Variants in MNAT1 observed in about 807,000 individuals in gnomAD.
MNAT1 encodes the protein MNAT1 component of CDK activating kinase.
Under a neutral mutation model 42.0 loss-of-function variants are expected in MNAT1, and 43 were observed. The observed-to-expected ratio is 1.02, with a 90% CI of 0.80 to 1.32. The LOEUF (loss-of-function observed/expected upper bound fraction) is 1.32. MNAT1 is among the 40% of genes most tolerant of loss of function. The pLI, the probability that MNAT1 is intolerant of heterozygous loss-of-function variation, is 0.00. For synonymous variants in MNAT1, 118 were observed against 120.0 expected (o/e 0.98, Z 0.11); for missense variants, 306 against 350.4 (o/e 0.87, Z 1.01).
At chr14:60,897,468 C>T (rs2034980718) in intron 7 of MNAT1, among the ~76,000 whole-genome samples, 1 of 151,968 alleles carries the variant, frequency 6.6e-6, no homozygotes, top group Non-Finnish European at 1.5e-5. Context: ...ATGGGAATAT[C>T]TATTACTTTC....
At chr14:60,825,022 A>G (rs941497566) in intron 6 of MNAT1, among the ~76,000 whole-genome samples, 13 of 152,232 alleles carry the variant, frequency 8.5e-5, no homozygotes, top group African/African-American at 2.2e-4. Flanking sequence ...AGAGAGTGGG[A>G]AAAAAACAAG....
chr14:60,917,416 AAC>A (rs1176931661), intron 7 of MNAT1, among the ~76,000 whole-genome samples: 1 of 152,196 alleles, frequency 6.6e-6, no homozygotes, highest in East Asian at 1.9e-4. Context: ...TAGAAAATTT[AAC>A]AGATTTAAAT....
chr14:60,868,946 C>T (rs2034263034), intron 6 of MNAT1, among the ~76,000 whole-genome samples: 1 of 150,266 alleles, frequency 6.7e-6, no homozygotes, highest in African/African-American at 2.4e-5. Flanking sequence ...TTTATGGAAA[C>T]GTGATCATCT....
chr14:60,823,140 T>C (rs2032948109), intron 6 of MNAT1, among the ~76,000 whole-genome samples: 3 of 152,172 alleles, frequency 2.0e-5, no homozygotes, highest in Non-Finnish European at 4.4e-5. Flanking sequence ...TTTAAAGTAT[T>C]GGATGAAGAG....
intron 7 of MNAT1, among the ~76,000 whole-genome samples, chr14:60,928,821 T>C (rs1169210740): frequency 6.6e-6 from 1 of 151,972 alleles, no homozygotes; most frequent in Non-Finnish European, 1.5e-5. Flanking sequence ...TAATTCTTTA[T>C]ATATTCTGGA....
intron 3 of MNAT1, among the ~76,000 whole-genome samples, chr14:60,804,158 A>C (rs1594765776): frequency 6.6e-6 from 1 of 152,240 alleles, no homozygotes; most frequent in East Asian, 1.9e-4. Flanking sequence ...TAAATCTTTC[A>C]GAAAATACAA....
Position 60,784,179 on chromosome 14 carries a change from ATTTTTTTT to A in MNAT1, c.90-12021_90-12014del, listed in dbSNP as rs71114155. Among the ~76,000 whole-genome samples, 9 of 53,292 alleles carry A rather than the reference ATTTTTTTT, an allele frequency of 1.7e-4. No homozygotes were observed. In the East Asian group the frequency reaches 3.6e-3, roughly 21 times the overall value. 35.0% of individuals were successfully genotyped at this position (53,292 alleles called of 152,430 possible). A position where few individuals can be genotyped will look rare whatever the true frequency, so the allele number is the denominator to read the frequency against. On this transcript the variant is annotated intron_variant, in intron 1 of 7. Transcript: ENST00000261245. ...AGATACGTGCCACCATGCCTGGCTA[ATTTTTTTT>A]TTTTTTTTTTTTTTTTAGTAGAGGC... is the stretch of plus-strand genomic sequence containing the variant.
chr14:60,857,534 G>A (rs2033990760), intron 6 of MNAT1, among the ~76,000 whole-genome samples: 1 of 152,100 alleles, frequency 6.6e-6, no homozygotes, highest in South Asian at 2.1e-4. Flanking sequence ...ACAACAAAGG[G>A]TTTAGAATAT....
chr14:60,798,430 A>G (rs1418565180), intron 3 of MNAT1, among the ~76,000 whole-genome samples: 1 of 152,190 alleles, frequency 6.6e-6, no homozygotes, highest in African/African-American at 2.4e-5. Context: ...ATATGGGTAC[A>G]TGCATCTGTG....
intron 6 of MNAT1, among the ~76,000 whole-genome samples, chr14:60,828,769 C>T (rs1476210645): frequency 6.6e-6 from 1 of 152,148 alleles, no homozygotes; most frequent in Non-Finnish European, 1.5e-5. Context: ...TGAAGGTTCC[C>T]ACGATCCCTT....
At chr14:60,741,173 T>C (rs900057139) in intron 1 of MNAT1, among the ~76,000 whole-genome samples, 2 of 152,188 alleles carry the variant, frequency 1.3e-5, no homozygotes, top group Non-Finnish European at 2.9e-5. Flanking sequence ...GTCAGATTTC[T>C]TGTGCTTACT....
chr14:60,735,597 G>C lies in MNAT1; in HGVS notation c.89+646G>C, dbSNP rs756402584. Among the ~76,000 whole-genome samples the C allele has an allele frequency of 2.4e-4, 36 of 152,326 alleles. 2 individuals carry two copies. The Middle Eastern group carries it at 0.02, about 86-fold the overall frequency. The stretch of plus-strand genomic sequence containing the variant: ...ATTCCTACAACAGTCCCATGAAGTA[G>C]ATACTGGTATTTCCATTTCACAGGG... On this transcript the variant is annotated intron_variant, in intron 1 of 7. Transcript: ENST00000261245.
intron 7 of MNAT1, among the ~76,000 whole-genome samples, chr14:60,943,003 AGTGT>A (rs138575597): frequency 0.26 from 20,172 of 78,146 alleles, 3,148 homozygotes; most frequent in South Asian, 0.32. Context: ...AACCACATGT[AGTGT>A]GTGTGTGTGT....
intron 3 of MNAT1, among the ~76,000 whole-genome samples, chr14:60,807,017 T>C (rs1366766526): frequency 6.6e-6 from 1 of 152,214 alleles, no homozygotes; most frequent in Non-Finnish European, 1.5e-5. Context: ...CCACTTTATG[T>C]TAAAAAACTG....
At chr14:60,895,796 A>G (rs1052680758) in intron 7 of MNAT1, among the ~76,000 whole-genome samples, 2 of 152,108 alleles carry the variant, frequency 1.3e-5, no homozygotes, top group African/African-American at 4.8e-5. Context: ...AACAAAAGAA[A>G]TCATCTCGTT....
rs779329651 is a variant in MNAT1, at chr14:60,879,735, C to T, written c.709C>T (p.Pro237Ser). 3 of 1,612,878 alleles carry T rather than the reference C, an allele frequency of 1.9e-6. No homozygotes were observed. Among genetic ancestry groups the T allele is most frequent in the Non-Finnish European group, 2.5e-6 (3 of 1,179,224 alleles). The part of the protein sequence containing the change: ...IKMGQHISLA[P>S]IHKLEEALYE... ...ACAGGGTCAACATATTTCACTGGCA[C>T]CTATTCACAAGCTTGAAGAAGCTCT... is the stretch of plus-strand genomic sequence containing the variant. The change falls in exon 7 of 8, where the codon CCT (proline) becomes TCT (serine). Residue 237 changes from proline to serine, a missense_variant. Pro to Ser is a moderately conservative substitution (Grantham distance 74). Coordinates refer to ENST00000261245, the MANE Select transcript of MNAT1 (RefSeq NM_002431.4).
At chr14:60,829,018 T>G (rs1354803863) in intron 6 of MNAT1, among the ~76,000 whole-genome samples, 3 of 151,916 alleles carry the variant, frequency 2.0e-5, no homozygotes, top group Non-Finnish European at 4.4e-5. Flanking sequence ...TCCTTTTGGG[T>G]TTTTATGGGG....
chr14:60,888,934 C>T (rs2034759212), intron 7 of MNAT1, among the ~76,000 whole-genome samples: 2 of 139,136 alleles, frequency 1.4e-5, no homozygotes. Context: ...AACCACTGCT[C>T]AATGAAATAA....
chr14:60,869,931 G>A (rs189737637), intron 6 of MNAT1, among the ~76,000 whole-genome samples: 123 of 152,204 alleles, frequency 8.1e-4, no homozygotes, highest in Non-Finnish European at 1.4e-3. Context: ...TTTATTTGGT[G>A]AGAAAGCATA....
Sources: gnomAD v4.1 joint callset for allele counts (sites outside exome capture counted in the v4.1 genomes callset) on GRCh38, gnomAD v4.1.1 for gene constraint, MANE v1.5 for transcripts, NCBI Gene and HGNC (gene_info 2026-07-23, HGNC 2026-07-21) for gene names.